NUP88: variants seen among roughly 807,000 people sequenced by gnomAD.
The protein encoded by NUP88 is nuclear pore complex protein Nup88.
In NUP88, 57 loss-of-function variants were observed where a neutral mutation model predicts 93.9. The observed-to-expected ratio is 0.61, with a 90% CI of 0.49 to 0.76. The LOEUF (loss-of-function observed/expected upper bound fraction) is 0.76. Ranked by LOEUF, NUP88 falls within the 30% of genes least tolerant of loss-of-function variation. The pLI is 0.00. For missense variants in NUP88, 911 were observed against 901.0 expected, an observed-to-expected ratio of 1.01 and a Z score of -0.14; for synonymous variants, 346 against 336.8, an observed-to-expected ratio of 1.03 and a Z score of -0.30.
rs1413233363 is a variant in NUP88, at chr17:5,406,238, A to T, written c.858-995T>A. The stretch of plus-strand genomic sequence containing the variant: ...AAATAAATGAGAAAAATGAGAAAGA[A>T]TGATTTCTGGGAAGGGGATTGTTGA... On this transcript the variant is annotated intron_variant, in intron 5 of 16. Coordinates refer to ENST00000573584, the MANE Select transcript of NUP88 (RefSeq NM_002532.6). Among the ~76,000 whole-genome samples, 8 of 152,368 alleles carry T rather than the reference A, an allele frequency of 5.3e-5. 1 individual carries two copies. In the East Asian group the frequency reaches 1.5e-3, roughly 29 times the overall value.
intron 5 of NUP88, among the ~76,000 whole-genome samples, chr17:5,407,201 A>G (rs961669735): frequency 6.6e-6 from 1 of 151,826 alleles, no homozygotes; most frequent in African/African-American, 2.4e-5. Context: ...GGTTTTGCGT[A>G]CTCTCTTCTC....
At chr17:5,403,616 C>A (rs955289702) in intron 7 of NUP88, among the ~76,000 whole-genome samples, 1 of 151,978 alleles carries the variant, frequency 6.6e-6, no homozygotes, top group Admixed American at 6.6e-5. Flanking sequence ...GTCGAGATTG[C>A]GCCATTAGAC....
intron 11 of NUP88, 89 bp downstream of exon 11, chr17:5,388,713 T>A (rs3026124): frequency 0.016 from 18,790 of 1,189,392 alleles, 219 homozygotes; most frequent in Middle Eastern, 0.039. Flanking sequence ...AAAAAGTATA[T>A]GAAACAGATG....
chr17:5,385,150 A>G lies in NUP88; in HGVS notation c.*1056T>C, dbSNP rs991250415. 1 of 229,664 alleles carries G rather than the reference A, an allele frequency of 4.4e-6. No individual in the cohort carries two copies. Among genetic ancestry groups the G allele is most frequent in the African/African-American group, 2.2e-5 (1 of 45,178 alleles). 14.2% of individuals were successfully genotyped at this position (229,664 alleles called of 1,614,324 possible). A position where few individuals can be genotyped will look rare whatever the true frequency, so the allele number is the denominator to read the frequency against. On this transcript the variant is annotated 3_prime_UTR_variant, in exon 17 of 17. Transcript: ENST00000573584. The stretch of plus-strand genomic sequence containing the variant: ...CAACTGTTGGAATTCACTTTATTGT[A>G]GAAAAACCCAAACTGAGACTCTTAA...
Position 5,408,898 on chromosome 17 carries a change from G to A in NUP88, c.692C>T (p.Thr231Ile). Residue 231 changes from threonine to isoleucine, a missense_variant, in exon 5 of 17, where the codon ACC (threonine) becomes ATC (isoleucine). By Grantham distance (89) the Thr-to-Ile change is moderately conservative (BLOSUM62 -1). Transcript: ENST00000573584. Reference sequence around the variant, plus strand: ...AACTGCTGTCTCTCCTAGAGATGCGGTATACGCCCTTCTGGAAAGAGATGT... The same window carrying A: ...AACTGCTGTCTCTCCTAGAGATGCGATATACGCCCTTCTGGAAAGAGATGT... ...SLVLNKGRAY[T>I]ASLGETAVAF... The A allele has an allele frequency of 6.3e-7, 1 of 1,579,010 alleles. No homozygotes were observed. Among genetic ancestry groups the A allele is most frequent in the Non-Finnish European group, 8.6e-7 (1 of 1,167,604 alleles).
At chr17:5,410,817 CA>C (rs755068177) in intron 3 of NUP88, 28 bp from the exon 4 acceptor site, 9 of 1,459,232 alleles carry the variant, frequency 6.2e-6, no homozygotes, top group Non-Finnish European at 6.7e-6. Flanking sequence ...AGAAAACCAG[CA>C]CTTAAAATTC....
At chr17:5,390,513 A>C (rs926523649) in intron 10 of NUP88, among the ~76,000 whole-genome samples, 9 of 152,172 alleles carry the variant, frequency 5.9e-5, no homozygotes, top group African/African-American at 2.2e-4. Context: ...CAGAGGTGCA[A>C]GCTTTGAACG....
At position 5,414,063 on chromosome 17, in the gene NUP88, G is replaced by A. The variant is rs1190866780; in HGVS notation, c.539C>T (p.Pro180Leu). The A allele has an allele frequency of 2.5e-6, 4 of 1,613,728 alleles. No homozygotes were observed. Among genetic ancestry groups the A allele is most frequent in the Non-Finnish European group, 3.4e-6 (4 of 1,179,792 alleles). The change falls in exon 3 of 17, where the codon CCA (proline) becomes CTA (leucine). Residue 180 changes from proline to leucine, a missense_variant. Coordinates refer to ENST00000573584, the MANE Select transcript of NUP88 (RefSeq NM_002532.6). Reference sequence around the variant, plus strand: ...TACGTGGGGATCCAGGATTTCACTTGGATACCATGCAGCATGCTTTAGAGT... The same window carrying A: ...TACGTGGGGATCCAGGATTTCACTTAGATACCATGCAGCATGCTTTAGAGT... Reference protein sequence around the residue: ...SLTLKHAAWYPSEILDPHVVL... With the variant: ...SLTLKHAAWYLSEILDPHVVL...
chr17:5,403,359 C>T (rs955176137), intron 7 of NUP88, among the ~76,000 whole-genome samples: 5 of 152,168 alleles, frequency 3.3e-5, no homozygotes, highest in Non-Finnish European at 7.3e-5. Flanking sequence ...TGCCTGTAGT[C>T]CCAGCTACTA....
At chr17:5,413,761 G>A (rs1475892493) in intron 3 of NUP88, among the ~76,000 whole-genome samples, 5 of 152,292 alleles carry the variant, frequency 3.3e-5, no homozygotes, top group Admixed American at 6.5e-5. Flanking sequence ...AAGAGTTTTG[G>A]AAAGATTATT....
rs148053556 is a variant in NUP88, at chr17:5,400,990, A to G, written c.1193-1340T>C. Among the ~76,000 whole-genome samples, 522 of 152,356 alleles carry G rather than the reference A, an allele frequency of 3.4e-3. 1 individual carries two copies. The highest frequency in any genetic ancestry group is 0.024 in the Middle Eastern group (7 of 294). ...TGTACCTCCTTTGAGCCCCAGTATC[A>G]GTAAGACAATCCTGAGACTAAAAGA... is the stretch of plus-strand genomic sequence containing the variant. On this transcript the variant is annotated intron_variant, in intron 7 of 16. Coordinates refer to ENST00000573584, the MANE Select transcript of NUP88 (RefSeq NM_002532.6).
chr17:5,386,682 A>C, intron 16 of NUP88, 26 bp downstream of exon 16: 1 of 1,399,762 alleles, frequency 7.1e-7, no homozygotes, highest in Non-Finnish European at 1.0e-6. Flanking sequence ...TCTCACGATA[A>C]TAGCTGATTG....
At position 5,387,614 on chromosome 17, in the gene NUP88, C is replaced by T. The variant is rs1325063105; in HGVS notation, c.1826G>A (p.Arg609Gln). The T allele has an allele frequency of 5.0e-6, 8 of 1,612,778 alleles. No homozygotes were observed. Among genetic ancestry groups the T allele is most frequent in the Non-Finnish European group, 6.8e-6 (8 of 1,179,056 alleles). The change falls in exon 13 of 17, where the codon CGA becomes CAA. Residue 609 changes from arginine to glutamine, a missense_variant. Coordinates refer to ENST00000573584, the MANE Select transcript of NUP88 (RefSeq NM_002532.6). ...TATTTTTGACACTTACCTCTCTTCT[C>T]GACAATAACTGAGATCTTCTAGTTG... ...KKQLEDLSYC[R>Q]EERKSLREMA...
At chr17:5,410,085 T>C (rs947340572) in intron 4 of NUP88, among the ~76,000 whole-genome samples, 1 of 152,222 alleles carries the variant, frequency 6.6e-6, no homozygotes. Flanking sequence ...AGTAGAATGA[T>C]CTGATTAAAC....
At position 5,390,869 on chromosome 17, in the gene NUP88, G is replaced by GT. The variant is rs902911333; in HGVS notation, c.1484+691dup. Among the ~76,000 whole-genome samples the GT allele has an allele frequency of 3.9e-5, 6 of 151,990 alleles. No homozygotes were observed. The South Asian group carries it at 6.2e-4, about 16-fold the overall frequency. On this transcript the variant is annotated intron_variant, in intron 10 of 16. Transcript: ENST00000573584. ...ACCACCATGCCTGGCTAATTTTTTTGTTTTTTGTAGAGATGGGGGTCTCAC... is the reference window on the plus strand; with the variant it reads ...ACCACCATGCCTGGCTAATTTTTTTGTTTTTTTGTAGAGATGGGGGTCTCAC...
At chr17:5,404,520 A>T (rs1418592236) in intron 6 of NUP88, among the ~76,000 whole-genome samples, 3 of 152,120 alleles carry the variant, frequency 2.0e-5, no homozygotes, top group African/African-American at 7.2e-5. Flanking sequence ...AGGCTGACGC[A>T]AGAGAATCGC....
At chr17:5,389,405 C>T (rs1400579617) in intron 10 of NUP88, among the ~76,000 whole-genome samples, 1 of 152,154 alleles carries the variant, frequency 6.6e-6, no homozygotes, top group African/African-American at 2.4e-5. Flanking sequence ...TGCAAATACT[C>T]AAACTTCAAA....
At chr17:5,390,158 C>T (rs987686640) in intron 10 of NUP88, among the ~76,000 whole-genome samples, 2 of 121,592 alleles carry the variant, frequency 1.6e-5, no homozygotes, top group African/African-American at 3.2e-5. Context: ...CAGCAAACTC[C>T]GTCTCAAAAA....
At chr17:5,413,831 T>C (rs919015449) in intron 3 of NUP88, among the ~76,000 whole-genome samples, 178 bp downstream of exon 3, 3 of 152,192 alleles carry the variant, frequency 2.0e-5, no homozygotes, top group Non-Finnish European at 2.9e-5. Flanking sequence ...TGAGAAGGAA[T>C]AGTGGTAAGT....
Sources: allele counts gnomAD v4.1 joint callset (sites outside exome capture counted in the v4.1 genomes callset), GRCh38; gene constraint gnomAD v4.1.1; transcripts MANE v1.5; gene names NCBI Gene and HGNC (gene_info 2026-07-23, HGNC 2026-07-21).